Variants in ERBB3 observed in about 807,000 individuals in gnomAD.
ERBB3 encodes the protein receptor tyrosine-protein kinase erbB-3.
ERBB3 carries 96 observed loss-of-function variants against 156.7 expected under a neutral mutation model. That is an observed-to-expected ratio of 0.61 (90% CI 0.52 to 0.73). ERBB3 has a LOEUF of 0.73. ERBB3 is among the 30% of genes least tolerant of loss of function. ERBB3 has a pLI of 0.00. For synonymous variants in ERBB3, 567 were observed against 632.0 expected, an observed-to-expected ratio of 0.90 and a Z score of 1.54; for missense variants, 1,406 against 1,709.4, an observed-to-expected ratio of 0.82 and a Z score of 3.13.
At position 56,101,365 on chromosome 12, in the gene ERBB3, C is replaced by A. The variant is rs1565861956; in HGVS notation, c.3502+4C>A. 1 of 1,613,942 alleles carries A rather than the reference C, an allele frequency of 6.2e-7. No homozygotes were observed. The highest frequency in any genetic ancestry group is 8.5e-7 in the Non-Finnish European group (1 of 1,179,844). On this transcript the variant is annotated splice_donor_region_variant and intron_variant, in intron 27 of 27. Coordinates refer to ENST00000267101, the MANE Select transcript of ERBB3 (RefSeq NM_001982.4). The stretch of plus-strand genomic sequence containing the variant: ...ATGCCAGATACACACCTCAAAGGTG[C>A]CTGACTCTTCCTAGGGCTTTCCTCA...
rs1284248937 is a variant in ERBB3 at position 56,097,165 on chromosome 12, G to A, written c.2395G>A (p.Val799Met). 1.9e-6 allele frequency: 3 copies of A among 1,614,174 alleles called. No individual in the cohort carries two copies. The highest frequency in any genetic ancestry group is 1.3e-5 in the African/African-American group (1 of 75,030). The change falls in exon 20 of 28, where the codon GTG becomes ATG. Residue 799 changes from valine to methionine, a missense_variant. This residue lies in a region of ERBB3 where 979 missense variants were observed against 1,219.6 expected (regional missense o/e 0.80). Coordinates refer to ENST00000267101, the MANE Select transcript of ERBB3 (RefSeq NM_001982.4). ...YLPLGSLLDH[V>M]RQHRGALGPQ... Reference sequence around the variant, plus strand: ...GCCTCTGGGTTCTCTGCTGGATCATGTGAGACAACACCGGGGGGCACTGGG... The same window carrying A: ...GCCTCTGGGTTCTCTGCTGGATCATATGAGACAACACCGGGGGGCACTGGG...
Position 56,093,568 on chromosome 12 carries a change from CT to C in ERBB3, c.1480+19del. 1 of 1,605,522 alleles carries C rather than the reference CT, an allele frequency of 6.2e-7. No individual in the cohort carries two copies. ...AGACTGCGGTGAGGGAAAGGGTCTG[CT>C]AGGTGGTGAGAATAGGGAGTCAGGG... On this transcript the variant is annotated intron_variant, in intron 12 of 27. Transcript: ENST00000267101.
chr12:56,088,754 A>G lies in ERBB3; in HGVS notation c.995A>G (p.Glu332Gly), dbSNP rs2136798181. The G allele has an allele frequency of 1.2e-6, 2 of 1,614,082 alleles. No individual in the cohort carries two copies. Among genetic ancestry groups the G allele is most frequent in the Non-Finnish European group, 8.5e-7 (1 of 1,179,994 alleles). ...PCGGLCPKAC[E>G]GTGSGSRFQT... ...ACCTCTCTTACATTTGCAGCCTGTG[A>G]GGGAACAGGCTCTGGGAGCCGCTTC... The change falls in exon 9 of 28, where the codon GAG (glutamate) becomes GGG (glycine). Residue 332 changes from glutamate to glycine, a missense_variant. By Grantham distance (98) the Glu-to-Gly change is moderately conservative. This residue lies in a region of ERBB3 where 979 missense variants were observed against 1,219.6 expected (regional missense o/e 0.80). Transcript: ENST00000267101.
intron 2 of ERBB3, among the ~76,000 whole-genome samples, 153 bp downstream of exon 2, chr12:56,084,055 G>A (rs1395461609): frequency 6.6e-6 from 1 of 152,132 alleles, no homozygotes; most frequent in Admixed American, 6.5e-5. Flanking sequence ...GGGGACAGTG[G>A]CTGTCATCTG....
At chr12:56,094,077 C>A in intron 13 of ERBB3, 22 bp from the exon 14 acceptor site, 2 of 1,601,400 alleles carry the variant, frequency 1.2e-6, no homozygotes, top group South Asian at 1.1e-5. Context: ...TGACCCCCCC[C>A]TCCCTTTATT....
At chr12:56,084,521 G>A (rs528261428) in intron 2 of ERBB3, among the ~76,000 whole-genome samples, 1 of 148,890 alleles carries the variant, frequency 6.7e-6, no homozygotes, top group African/African-American at 2.5e-5. Context: ...GAGGTGGGAG[G>A]ATTGCTTGAG....
chr12:56,090,404 GGTGGATCACTAGGT>G (rs1868640644), intron 9 of ERBB3, among the ~76,000 whole-genome samples: 1 of 152,146 alleles, frequency 6.6e-6, no homozygotes, highest in South Asian at 2.1e-4. Context: ...GGCTGAGGCA[GGTGGATCACTAGGT>G]GTGGATCACG....
rs530695217 is a variant in ERBB3 at position 56,090,499 on chromosome 12, C to T, written c.1109+1631C>T. On this transcript the variant is annotated intron_variant, in intron 9 of 27. Transcript: ENST00000267101. ...TCTCTACTAAAAATACAAAAATTAG[C>T]TGGGCGTGGTGGTGTGCGCCTGTAG... 4.3e-4 allele frequency among the ~76,000 whole-genome samples: 65 copies of T among 152,140 alleles called. No individual in the cohort carries two copies. In the East Asian group the frequency reaches 0.012, roughly 28 times the overall value.
intron 26 of ERBB3, among the ~76,000 whole-genome samples, chr12:56,100,787 A>G (rs1351989434): frequency 6.6e-6 from 1 of 151,876 alleles, no homozygotes; most frequent in Non-Finnish European, 1.5e-5. Context: ...TAAAAATACA[A>G]AAACTAGCTG....
chr12:56,099,401 T>C (rs1869010065), intron 23 of ERBB3, among the ~76,000 whole-genome samples: 1 of 151,834 alleles, frequency 6.6e-6, no homozygotes, highest in South Asian at 2.1e-4. Context: ...AGGTTTAAGT[T>C]CTTCTGTCTC....
intron 9 of ERBB3, 68 bp downstream of exon 9, chr12:56,088,936 A>G (rs1391047822): frequency 1.9e-6 from 3 of 1,600,908 alleles, no homozygotes; most frequent in African/African-American, 2.7e-5. Context: ...TTCATTGGCC[A>G]AAACTTTCCT....
In ERBB3 at chr12:56,093,511, C is replaced by T. The variant is rs1488014391; in HGVS notation, c.1441C>T (p.Arg481Ter). The T allele has an allele frequency of 3.7e-6, 6 of 1,613,484 alleles. No homozygotes were observed. Among genetic ancestry groups the T allele is most frequent in the South Asian group, 2.2e-5 (2 of 91,064 alleles). Residue 481 changes from arginine to a stop codon, truncating the protein, a stop_gained, in exon 12 of 28, where the codon CGA becomes TGA. Coordinates refer to ENST00000267101, the MANE Select transcript of ERBB3 (RefSeq NM_001982.4). LOFTEE classifies it high-confidence loss of function. ...GGTGCTTCGGGGGCCTACGGAAGAG[C>T]GACTAGACATCAAGCATAATCGGCC... ...TKVLRGPTEE[R>*]LDIKHNRPRR... is the part of the protein sequence containing the mutation.
rs2136831920 is a variant in ERBB3 at position 56,102,078 on chromosome 12, G to A, written c.*23G>A. On this transcript the variant is annotated 3_prime_UTR_variant, in exon 28 of 28. Transcript: ENST00000267101. ...TAACTCCTGCTCCCTGTGGCACTCA[G>A]GGAGCATTTAATGGCAGCTAGTGCC... 6.2e-7 allele frequency: 1 copy of A among 1,601,602 alleles called. No homozygotes were observed. Among genetic ancestry groups the A allele is most frequent in the Non-Finnish European group, 8.5e-7 (1 of 1,178,602 alleles).
At chr12:56,092,264 C>T (rs983748555) in intron 9 of ERBB3, among the ~76,000 whole-genome samples, 1 of 151,498 alleles carries the variant, frequency 6.6e-6, no homozygotes. Flanking sequence ...TGGTGTGCTC[C>T]TGTATTCCCA....
At chr12:56,087,516 T>C (rs1315227212) in intron 4 of ERBB3, 61 bp from the exon 5 acceptor site, 31 of 1,381,600 alleles carry the variant, frequency 2.2e-5, no homozygotes, top group Non-Finnish European at 2.6e-5. Context: ...CATACCCCGT[T>C]GATTAAAACA....
chr12:56,099,252 G>A (rs1200303668), intron 23 of ERBB3, among the ~76,000 whole-genome samples: 2 of 150,894 alleles, frequency 1.3e-5, no homozygotes, highest in Non-Finnish European at 3.0e-5. Flanking sequence ...CATCATGCTC[G>A]GCCTGACTGC....
At chr12:56,087,534 C>G in intron 4 of ERBB3, 43 bp from the exon 5 acceptor site, 2 of 1,543,414 alleles carry the variant, frequency 1.3e-6, no homozygotes, top group Non-Finnish European at 1.8e-6. Context: ...ACAAGCCTTT[C>G]TTAGCCCTGA....
At chr12:56,095,955 A>C (rs1868876810) in intron 17 of ERBB3, 149 bp downstream of exon 17, 1 of 840,068 alleles carries the variant, frequency 1.2e-6, no homozygotes. Flanking sequence ...CAGAGATTTG[A>C]TCCCTTTCTT....
At position 56,101,981 on chromosome 12, in the gene ERBB3, A is replaced by G; in HGVS notation, c.3955A>G (p.Thr1319Ala). 6.2e-7 allele frequency: 1 copy of G among 1,613,848 alleles called. No individual in the cohort carries two copies. The highest frequency in any genetic ancestry group is 8.5e-7 in the Non-Finnish European group (1 of 1,179,964). The change falls in exon 28 of 28, where the codon ACA becomes GCA. Residue 1319 changes from threonine (T) to alanine (A), a missense_variant. Around this residue, in one of 3 missense-constraint regions of ERBB3, gnomAD observed 415 missense variants for 454.1 expected, o/e 0.91. Coordinates refer to ENST00000267101, the MANE Select transcript of ERBB3 (RefSeq NM_001982.4). The part of the protein sequence containing the change: ...RLKTLRSLEA[T>A]DSAFDNPDYW... ...AAAAACTCTACGTAGCTTAGAGGCTACAGACTCTGCCTTTGATAACCCTGA... is the reference window on the plus strand; with the variant it reads ...AAAAACTCTACGTAGCTTAGAGGCTGCAGACTCTGCCTTTGATAACCCTGA...
Sources: allele counts gnomAD v4.1 joint callset (sites outside exome capture counted in the v4.1 genomes callset), GRCh38; gene constraint gnomAD v4.1.1; regional missense constraint gnomAD v4.1.1; transcripts MANE v1.5; gene names NCBI Gene and HGNC (gene_info 2026-07-23, HGNC 2026-07-21).